TIMM17A: variants seen among roughly 807,000 people sequenced by gnomAD.
TIMM17A encodes translocase of inner mitochondrial membrane 17A.
In TIMM17A, 15 loss-of-function variants were observed where a neutral mutation model predicts 26.5. That is an observed-to-expected ratio of 0.57 (90% CI 0.38 to 0.87). The LOEUF is 0.87. Among genes scored for constraint, TIMM17A ranks in the 40% least tolerant of loss-of-function variants. The pLI is 0.00. For synonymous variants in TIMM17A, 80 were observed against 70.8 expected (o/e 1.13, Z -0.66); for missense variants, 201 against 210.0 (o/e 0.96, Z 0.27).
intron 4 of TIMM17A, among the ~76,000 whole-genome samples, chr1:201,965,024 T>C (rs1021489200): frequency 6.6e-6 from 1 of 151,898 alleles, no homozygotes; most frequent in Non-Finnish European, 1.5e-5. Context: ...CAATCTCGGC[T>C]CACTGCAACC....
chr1:201,956,577 G>A (rs1682414312), intron 1 of TIMM17A, among the ~76,000 whole-genome samples: 1 of 152,176 alleles, frequency 6.6e-6, no homozygotes, highest in African/African-American at 2.4e-5. Context: ...AGATATGTAG[G>A]ACTCAGCACA....
rs1682708244 is a variant in TIMM17A at position 201,970,144 on chromosome 1, G to A, written c.*590G>A. On this transcript the variant is annotated 3_prime_UTR_variant, in exon 6 of 6. Transcript: ENST00000367287. ...TTACTTTGAAAGTAAAATATACTATGTCTTGGTTTTGAGGATATTGGATAC... is the reference window on the plus strand; with the variant it reads ...TTACTTTGAAAGTAAAATATACTATATCTTGGTTTTGAGGATATTGGATAC... 6.6e-6 allele frequency: 1 copy of A among 152,192 alleles called. No homozygotes were observed. The highest frequency in any genetic ancestry group is 2.1e-4 in the South Asian group (1 of 4,818). 9.4% of individuals were successfully genotyped at this position (152,192 alleles called of 1,614,324 possible). A position where few individuals can be genotyped will look rare whatever the true frequency, so the allele number is the denominator to read the frequency against.
chr1:201,957,658 T>A, intron 3 of TIMM17A, 84 bp downstream of exon 3: 1 of 1,136,216 alleles, frequency 8.8e-7, no homozygotes, highest in Non-Finnish European at 1.3e-6. Flanking sequence ...ATTACAACAA[T>A]TAGTGATTTT....
intron 3 of TIMM17A, chr1:201,962,733 TG>T (rs771453795): frequency 2.6e-5 from 4 of 152,242 alleles, no homozygotes; most frequent in Non-Finnish European, 5.9e-5. Flanking sequence ...GAATAAAGGA[TG>T]GACAGGCAAT....
intron 3 of TIMM17A, among the ~76,000 whole-genome samples, chr1:201,960,151 G>A (rs997008594): frequency 3.9e-5 from 6 of 152,168 alleles, no homozygotes; most frequent in African/African-American, 1.4e-4. Context: ...TGTAATCCCA[G>A]CACTTCGGGA....
intron 5 of TIMM17A, among the ~76,000 whole-genome samples, chr1:201,966,719 G>A (rs1000295142): frequency 2.6e-5 from 4 of 151,360 alleles, no homozygotes; most frequent in Non-Finnish European, 5.9e-5. Context: ...GCACACGCCT[G>A]TAATCGCAGC....
intron 5 of TIMM17A, among the ~76,000 whole-genome samples, chr1:201,966,608 T>C (rs1571607296): frequency 6.6e-6 from 1 of 152,196 alleles, no homozygotes; most frequent in South Asian, 2.1e-4. Context: ...TTTGGGAGAC[T>C]GAGGCAGGTG....
chr1:201,965,691 A>T (rs1268622472), intron 5 of TIMM17A, 148 bp downstream of exon 5: 1 of 654,774 alleles, frequency 1.5e-6, no homozygotes, highest in Non-Finnish European at 2.6e-6. Flanking sequence ...AAAAATGAAC[A>T]TGTTATATTT....
At chr1:201,961,070 T>C (rs1571604460) in intron 3 of TIMM17A, among the ~76,000 whole-genome samples, 1 of 150,084 alleles carries the variant, frequency 6.7e-6, no homozygotes, top group South Asian at 2.1e-4. Flanking sequence ...TATTTTCTTT[T>C]TTTTTTTTTT....
At chr1:201,958,621 A>G (rs2102941654) in intron 3 of TIMM17A, among the ~76,000 whole-genome samples, 1 of 152,298 alleles carries the variant, frequency 6.6e-6, no homozygotes, top group Non-Finnish European at 1.5e-5. Flanking sequence ...GGATCACTTG[A>G]ACCCATGAGG....
intron 5 of TIMM17A, among the ~76,000 whole-genome samples, chr1:201,967,889 A>C (rs1682663751): frequency 6.6e-6 from 1 of 152,074 alleles, no homozygotes; most frequent in South Asian, 2.1e-4. Context: ...AGCAGCCTAA[A>C]AGAGGTGTAT....
chr1:201,963,916 G>A (rs914420917), intron 4 of TIMM17A, among the ~76,000 whole-genome samples, 172 bp downstream of exon 4: 12 of 151,938 alleles, frequency 7.9e-5, no homozygotes, highest in African/African-American at 2.9e-4. Flanking sequence ...CACAAGTCCA[G>A]GAGCTTGAGA....
chr1:201,957,531 A>C lies in TIMM17A; in HGVS notation c.147A>C (p.Arg49=). 1 of 1,613,854 alleles carries C rather than the reference A, an allele frequency of 6.2e-7. No individual in the cohort carries two copies. The highest frequency in any genetic ancestry group is 8.5e-7 in the Non-Finnish European group (1 of 1,179,982). ...TATAGGGAGTAAACCACAGACTACG[A>C]GGGAGTTTGACAGCTATTAAAACCA... is the stretch of plus-strand genomic sequence containing the variant. ...NSPVGVNHRL[R]GSLTAIKTRA... The change falls in exon 3 of 6, where the codon CGA becomes CGC. Residue 49 remains arginine (R), a synonymous_variant. Coordinates refer to ENST00000367287, the MANE Select transcript of TIMM17A (RefSeq NM_006335.3).
At chr1:201,968,669 C>T (rs771230318) in intron 5 of TIMM17A, among the ~76,000 whole-genome samples, 2 of 152,124 alleles carry the variant, frequency 1.3e-5, no homozygotes, top group Admixed American at 6.6e-5. Context: ...CCACCGCACC[C>T]GGCCCCAGCT....
intron 3 of TIMM17A, among the ~76,000 whole-genome samples, chr1:201,958,230 A>C (rs1311533214): frequency 6.6e-6 from 1 of 152,150 alleles, no homozygotes; most frequent in Non-Finnish European, 1.5e-5. Flanking sequence ...TTGGGGTTTC[A>C]TGCAGGAGAA....
At chr1:201,960,897 C>T (rs1360614388) in intron 3 of TIMM17A, among the ~76,000 whole-genome samples, 3 of 151,414 alleles carry the variant, frequency 2.0e-5, no homozygotes, top group African/African-American at 4.9e-5. Flanking sequence ...TATAGGCATG[C>T]GCCACCACAG....
intron 5 of TIMM17A, 145 bp from the exon 6 acceptor site, chr1:201,969,324 G>A: frequency 1.6e-6 from 1 of 638,824 alleles, no homozygotes; most frequent in Non-Finnish European, 2.7e-6. Flanking sequence ...TGGGAATTAG[G>A]CAGATCTATA....
chr1:201,957,664 A>G lies in TIMM17A; in HGVS notation c.190+90A>G, dbSNP rs529083147. 1.2e-5 allele frequency: 14 copies of G among 1,127,700 alleles called. No homozygotes were observed. In the East Asian group the frequency reaches 3.4e-4, roughly 27 times the overall value. 69.9% of individuals were successfully genotyped at this position (1,127,700 alleles called of 1,614,324 possible). ...TATTTTTAGATTACAACAATTAGTG[A>G]TTTTAGTTTGGTCTAACGGTTTGTC... is the stretch of plus-strand genomic sequence containing the variant. On this transcript the variant is annotated intron_variant, in intron 3 of 5. Transcript: ENST00000367287.
At chr1:201,960,030 G>A (rs926074506) in intron 3 of TIMM17A, among the ~76,000 whole-genome samples, 4 of 149,376 alleles carry the variant, frequency 2.7e-5, no homozygotes, top group Non-Finnish European at 6.0e-5. Flanking sequence ...AAAAATAAAT[G>A]TAATGTGGTA....
Sources: allele counts gnomAD v4.1 joint callset (sites outside exome capture counted in the v4.1 genomes callset), GRCh38; gene constraint gnomAD v4.1.1; transcripts MANE v1.5; gene names NCBI Gene and HGNC (gene_info 2026-07-23, HGNC 2026-07-21).